Variants in CD109 observed in about 807,000 individuals in gnomAD.
CD109 encodes CD109 molecule.
Under a neutral mutation model 165.8 loss-of-function variants are expected in CD109, and 149 were observed. That is an observed-to-expected ratio of 0.90 (90% CI 0.79 to 1.03). The LOEUF (loss-of-function observed/expected upper bound fraction) is 1.03. Ranked by LOEUF, CD109 falls within the 50% of genes least tolerant of loss-of-function variation. The pLI is 0.00. For missense variants in CD109, 1,712 were observed against 1,677.8 expected, an observed-to-expected ratio of 1.02 and a Z score of -0.36; for synonymous variants, 585 against 592.1, an observed-to-expected ratio of 0.99 and a Z score of 0.18.
intron 2 of CD109, among the ~76,000 whole-genome samples, chr6:73,719,176 C>T (rs909718274): frequency 3.3e-5 from 5 of 152,126 alleles, no homozygotes; most frequent in African/African-American, 1.2e-4. Flanking sequence ...TTCAGTGGCT[C>T]AATAGCCACA....
chr6:73,791,184 C>CATACACATATATATATATATATAT (rs1562071064), intron 22 of CD109, among the ~76,000 whole-genome samples: 16 of 50,872 alleles, frequency 3.1e-4, no homozygotes, highest in African/African-American at 1.5e-3. Context: ...TATACACACA[C>CATACACATATATATATATATATAT]ACACATACAT....
At chr6:73,756,876 G>GA (rs376620938) in intron 6 of CD109, among the ~76,000 whole-genome samples, 194 bp downstream of exon 6, 3 of 151,918 alleles carry the variant, frequency 2.0e-5, no homozygotes, top group South Asian at 4.2e-4. Flanking sequence ...GAAAAAAGTA[G>GA]AAAAAAATCA....
Position 73,788,514 on chromosome 6 carries a change from T to G in CD109, c.2603T>G (p.Leu868Trp), listed in dbSNP as rs368668836. 54 of 1,612,068 alleles carry G rather than the reference T, an allele frequency of 3.3e-5. No individual in the cohort carries two copies. Among genetic ancestry groups the G allele is most frequent in the Non-Finnish European group, 4.5e-5 (53 of 1,179,504 alleles). The part of the protein sequence containing the change: ...KSYSQSILLD[L>W]TDNRLQSTLK... Reference sequence around the variant, plus strand: ...TATTCACAATCCATCTTATTAGACTTGACTGACAATAGGCTACAGAGTACC... The same window carrying G: ...TATTCACAATCCATCTTATTAGACTGGACTGACAATAGGCTACAGAGTACC... The change falls in exon 22 of 33, where the codon TTG (leucine) becomes TGG (tryptophan). Residue 868 changes from leucine (L) to tryptophan (W), a missense_variant. By Grantham distance (61) the Leu-to-Trp change is moderately conservative. Coordinates refer to ENST00000287097, the MANE Select transcript of CD109 (RefSeq NM_133493.5).
chr6:73,731,506 G>A (rs1364221975), intron 4 of CD109, among the ~76,000 whole-genome samples: 1 of 152,226 alleles, frequency 6.6e-6, no homozygotes, highest in East Asian at 1.9e-4. Context: ...CCCGGGGCGA[G>A]GGGACAGGTG....
chr6:73,816,966 G>A (rs1775958185), intron 30 of CD109, among the ~76,000 whole-genome samples: 1 of 152,142 alleles, frequency 6.6e-6, no homozygotes, highest in Non-Finnish European at 1.5e-5. Context: ...ACAGAGTTTG[G>A]GTGGTAGGTA....
chr6:73,779,406 G>T (rs533840183), intron 15 of CD109, among the ~76,000 whole-genome samples: 1 of 151,854 alleles, frequency 6.6e-6, no homozygotes, highest in East Asian at 1.9e-4. Flanking sequence ...CCACCACTAC[G>T]CCCAGCTAAT....
intron 1 of CD109, 121 bp downstream of exon 1, chr6:73,696,410 CGGCTGCAG>C: frequency 1.3e-6 from 1 of 775,572 alleles, no homozygotes; most frequent in Non-Finnish European, 1.8e-6. Flanking sequence ...AATGCCCTCG[CGGCTGCAG>C]TCCCCAGCCT....
Position 73,791,865 on chromosome 6 carries a change from G to A in CD109, c.2702-761G>A, listed in dbSNP as rs1280393111. ...CCTTTTTTTTCATATTCATTTTTTA[G>A]GATCACATTTTCACTAGGTATTTGG... On this transcript the variant is annotated intron_variant, in intron 22 of 32. Coordinates refer to ENST00000287097, the MANE Select transcript of CD109 (RefSeq NM_133493.5). Among the ~76,000 whole-genome samples, 6 of 151,312 alleles carry A rather than the reference G, an allele frequency of 4.0e-5. No homozygotes were observed. In the East Asian group the frequency reaches 5.8e-4, roughly 15 times the overall value.
rs1247449761 is a variant in CD109 at position 73,696,299 on chromosome 6, T to TGGGCGCGCGGG, written c.74+22_74+32dup. ...TGGCCGTGGCTCCCGGGTAGGAACG[T>TGGGCGCGCGGG]GGGCGCGCGGGGGGCGCGCGGGCGC... On this transcript the variant is annotated intron_variant, in intron 1 of 32. Coordinates refer to ENST00000287097, the MANE Select transcript of CD109 (RefSeq NM_133493.5). 2.9e-5 allele frequency: 43 copies of TGGGCGCGCGGG among 1,496,340 alleles called. No homozygotes were observed. The highest frequency in any genetic ancestry group is 1.4e-4 in the East Asian group (5 of 36,772). The allele number at this position is 1,496,340 out of a possible 1,614,324, so 92.7% of individuals were successfully genotyped here.
chr6:73,818,551 T>C lies in CD109; in HGVS notation c.4059+16T>C, dbSNP rs773319866. The C allele has an allele frequency of 6.2e-7, 1 of 1,608,234 alleles. No homozygotes were observed. Among genetic ancestry groups the C allele is most frequent in the South Asian group, 1.1e-5 (1 of 89,870 alleles). On this transcript the variant is annotated intron_variant, in intron 31 of 32. Coordinates refer to ENST00000287097, the MANE Select transcript of CD109 (RefSeq NM_133493.5). ...TTTAGATTCTGTAAGTAGTAAAACA[T>C]AAGGTAACTGTTGACAAAGCCACTG...
At chr6:73,707,962 T>TTATATATATATATATA (rs200081535) in intron 2 of CD109, among the ~76,000 whole-genome samples, 2 of 126,820 alleles carry the variant, frequency 1.6e-5, no homozygotes, top group African/African-American at 6.6e-5. Flanking sequence ...ATTGTTATCT[T>TTATATATATATATATA]TATATATATA....
At chr6:73,763,492 T>C in intron 9 of CD109, 84 bp from the exon 10 acceptor site, 3 of 707,536 alleles carry the variant, frequency 4.2e-6, no homozygotes, top group Non-Finnish European at 4.8e-6. Flanking sequence ...CTTTTTGCAA[T>C]AGGTTAGATG....
chr6:73,821,808 C>T (rs1776118037), intron 32 of CD109, among the ~76,000 whole-genome samples: 1 of 152,006 alleles, frequency 6.6e-6, no homozygotes, highest in African/African-American at 2.4e-5. Flanking sequence ...CAATAGAAGC[C>T]CAAACCTCAG....
intron 21 of CD109, among the ~76,000 whole-genome samples, chr6:73,787,709 C>T (rs758566238): frequency 1.3e-5 from 2 of 152,136 alleles, no homozygotes; most frequent in African/African-American, 2.4e-5. Context: ...CATCTACAGA[C>T]TGTGTTACGT....
At chr6:73,772,505 C>CA (rs1027095366) in intron 15 of CD109, among the ~76,000 whole-genome samples, 1,616 of 39,316 alleles carry the variant, frequency 0.041, 106 homozygotes, top group African/African-American at 0.046. Flanking sequence ...GACTCTGTCT[C>CA]AAAAAAAAAA....
At chr6:73,812,160 G>C in intron 28 of CD109, 45 bp from the exon 29 acceptor site, 2 of 1,292,446 alleles carry the variant, frequency 1.5e-6, no homozygotes, top group Non-Finnish European at 2.2e-6. Context: ...GAAGGATCTA[G>C]ATATGGAAAA....
chr6:73,787,309 C>G lies in CD109; in HGVS notation c.2413C>G (p.Gln805Glu), dbSNP rs1433339669. The G allele has an allele frequency of 6.2e-7, 1 of 1,613,966 alleles. No homozygotes were observed. The highest frequency in any genetic ancestry group is 1.1e-5 in the South Asian group (1 of 91,080). ...TSNEINATGHQQTLLVPSEDG... is the reference protein window; with the variant it reads ...TSNEINATGHEQTLLVPSEDG... ...AAATGAAATAAATGCCACAGGCCACCAGCAGACCCTTCTGGTTCCCAGTGA... is the reference window on the plus strand; with the variant it reads ...AAATGAAATAAATGCCACAGGCCACGAGCAGACCCTTCTGGTTCCCAGTGA... Residue 805 changes from glutamine (Q) to glutamate (E), a missense_variant, in exon 21 of 33, where the codon CAG (glutamine) becomes GAG (glutamate). Coordinates refer to ENST00000287097, the MANE Select transcript of CD109 (RefSeq NM_133493.5).
At chr6:73,756,317 A>G (rs1015547298) in intron 5 of CD109, among the ~76,000 whole-genome samples, 5 of 152,204 alleles carry the variant, frequency 3.3e-5, no homozygotes, top group African/African-American at 9.6e-5. Context: ...TTCCTCAATT[A>G]TCTAGTTTAA....
rs572567903 is a variant in CD109 at position 73,745,585 on chromosome 6, A to C, written c.633+9077A>C. ...GTCCCAGATTCTGACCACAGCAGCC[A>C]TGTGTTTAGATTGAAGATTTGAGTC... On this transcript the variant is annotated intron_variant, in intron 5 of 32. Transcript: ENST00000287097. Among the ~76,000 whole-genome samples the C allele has an allele frequency of 5.9e-5, 9 of 152,288 alleles. No homozygotes were observed. In the South Asian group the frequency reaches 1.9e-3, roughly 32 times the overall value.
Sources: gnomAD v4.1 joint callset for allele counts (sites outside exome capture counted in the v4.1 genomes callset) on GRCh38, gnomAD v4.1.1 for gene constraint, MANE v1.5 for transcripts, NCBI Gene and HGNC (gene_info 2026-07-23, HGNC 2026-07-21) for gene names.